Variants in EPB41 observed in about 807,000 individuals in gnomAD.
The protein encoded by EPB41 is erythrocyte membrane protein band 4.1.
Under a neutral mutation model 108.0 loss-of-function variants are expected in EPB41, and 65 were observed. The ratio of observed to expected loss-of-function variants is 0.60; its 90% CI spans 0.49 to 0.74. The LOEUF is 0.74. Ranked by LOEUF, EPB41 falls within the 30% of genes least tolerant of loss-of-function variation. The probability of loss-of-function intolerance (pLI) is 0.00; values close to 1 mark genes in which losing one functional copy is unlikely to be tolerated. For synonymous variants in EPB41, 336 were observed against 358.9 expected, an observed-to-expected ratio of 0.94 and a Z score of 0.72; for missense variants, 875 against 1,037.0, an observed-to-expected ratio of 0.84 and a Z score of 2.15.
At chr1:28,908,199 C>T (rs992208468) in intron 1 of EPB41, among the ~76,000 whole-genome samples, 17 of 151,752 alleles carry the variant, frequency 1.1e-4, no homozygotes, top group African/African-American at 3.4e-4. Flanking sequence ...GTCAGGAGTT[C>T]GAAACCAGCC....
At chr1:29,091,739 G>T (rs1661261733) in intron 16 of EPB41, among the ~76,000 whole-genome samples, 1 of 152,172 alleles carries the variant, frequency 6.6e-6, no homozygotes, top group Admixed American at 6.6e-5. Flanking sequence ...TGCAGACAGA[G>T]ACAGCCTTGT....
chr1:29,070,611 TG>T (rs1650881472), intron 16 of EPB41: 1 of 1,232,046 alleles, frequency 8.1e-7, no homozygotes, highest in Admixed American at 4.2e-5. Flanking sequence ...TTGGTCTTTC[TG>T]TGATCAGAAA....
intron 12 of EPB41, among the ~76,000 whole-genome samples, chr1:29,057,459 GCTTAA>G (rs973974411): frequency 6.6e-6 from 1 of 151,600 alleles, no homozygotes; most frequent in African/African-American, 2.4e-5. Flanking sequence ...AATGGGGTGT[GCTTAA>G]CTTAACACTT....
intron 11 of EPB41, among the ~76,000 whole-genome samples, chr1:29,044,911 T>G (rs1642713484): frequency 6.6e-6 from 1 of 152,192 alleles, no homozygotes; most frequent in Non-Finnish European, 1.5e-5. Flanking sequence ...AGTGTCACCT[T>G]TGTTATAAAT....
intron 12 of EPB41, among the ~76,000 whole-genome samples, chr1:29,057,391 A>AG (rs543944017): frequency 1.9e-4 from 29 of 149,342 alleles, no homozygotes; most frequent in African/African-American, 4.8e-4. Flanking sequence ...AAAAAAAAAA[A>AG]AAAAAGAAAA....
chr1:29,004,933 A>G (rs1432373208), intron 4 of EPB41, among the ~76,000 whole-genome samples: 1 of 152,174 alleles, frequency 6.6e-6, no homozygotes, highest in African/African-American at 2.4e-5. Flanking sequence ...TCTTATGTGT[A>G]TGCGTGGGGG....
In EPB41 at chr1:29,060,425, AAGAG is replaced by A. The variant is rs1476928445; in HGVS notation, c.1952_1955del (p.Arg651LysfsTer3). 1.2e-6 allele frequency: 2 copies of A among 1,612,290 alleles called. No individual in the cohort carries two copies. Among genetic ancestry groups the A allele is most frequent in the East Asian group, 2.2e-5 (1 of 44,850 alleles). On this transcript the variant is annotated frameshift_variant, in exon 15 of 21. Transcript: ENST00000343067. LOFTEE classifies it high-confidence loss of function. ...TTCCCCCCTTTCATTTTCACAGAAAAAGAGAGAAAGACTAGATGGTGAAAACATT... is the reference window on the plus strand; with the variant it reads ...TTCCCCCCTTTCATTTTCACAGAAAAAGAAAGACTAGATGGTGAAAACATT...
chr1:29,046,252 G>C (rs938673795), intron 11 of EPB41, among the ~76,000 whole-genome samples: 4 of 151,842 alleles, frequency 2.6e-5, no homozygotes, highest in Non-Finnish European at 4.4e-5. Flanking sequence ...AGCCTCCTGA[G>C]TAGCTGGGAT....
intron 11 of EPB41, among the ~76,000 whole-genome samples, chr1:29,047,425 T>C (rs1201805721): frequency 6.6e-6 from 1 of 150,616 alleles, no homozygotes; most frequent in Admixed American, 6.6e-5. Context: ...AATTTTTTTT[T>C]TTTTTTTTTG....
At chr1:28,921,377 A>C (rs1161364860) in intron 1 of EPB41, among the ~76,000 whole-genome samples, 1 of 152,122 alleles carries the variant, frequency 6.6e-6, no homozygotes. Context: ...GTTTCACCTT[A>C]ATAATACATT....
intron 18 of EPB41, 53 bp downstream of exon 18, chr1:29,109,490 C>A: frequency 6.8e-7 from 1 of 1,462,042 alleles, no homozygotes; most frequent in Non-Finnish European, 9.6e-7. Context: ...GCTAAGCTTG[C>A]TGCCACCTCT....
intron 16 of EPB41, among the ~76,000 whole-genome samples, chr1:29,074,630 A>G (rs1653071674): frequency 6.6e-6 from 1 of 152,258 alleles, no homozygotes; most frequent in Non-Finnish European, 1.5e-5. Context: ...TTAGGAAGCC[A>G]TACAAAGTTA....
intron 11 of EPB41, among the ~76,000 whole-genome samples, chr1:29,048,138 T>A (rs941825383): frequency 7.2e-5 from 11 of 152,032 alleles, no homozygotes; most frequent in African/African-American, 2.7e-4. Context: ...TTGTCTTAAG[T>A]TTTTCAAAGA....
At chr1:28,938,076 G>A (rs987261133) in intron 1 of EPB41, among the ~76,000 whole-genome samples, 1 of 152,148 alleles carries the variant, frequency 6.6e-6, no homozygotes, top group Non-Finnish European at 1.5e-5. Flanking sequence ...CCTTATGCTG[G>A]TACCACATTG....
At chr1:29,071,998 T>C (rs1484053909) in intron 16 of EPB41, 3 of 152,206 alleles carry the variant, frequency 2.0e-5, no homozygotes, top group Admixed American at 6.5e-5. Context: ...TCTTTTGTCC[T>C]TCAACATCTA....
At chr1:28,957,345 A>G (rs1429764732) in intron 1 of EPB41, among the ~76,000 whole-genome samples, 1 of 152,256 alleles carries the variant, frequency 6.6e-6, no homozygotes, top group African/African-American at 2.4e-5. Context: ...ATATGTAGAG[A>G]CTGTCAAAAT....
chr1:28,984,532 TG>T (rs2095829899), intron 1 of EPB41, among the ~76,000 whole-genome samples: 2 of 152,222 alleles, frequency 1.3e-5, no homozygotes, highest in African/African-American at 4.8e-5. Context: ...GATAAGAATT[TG>T]TTGAATGAAT....
At position 28,887,581 on chromosome 1, in the gene EPB41, C is replaced by T. The variant is rs2089568218; in HGVS notation, c.-8+371C>T. 1 of 985,216 alleles carries T rather than the reference C, an allele frequency of 1.0e-6. No homozygotes were observed. Among genetic ancestry groups the T allele is most frequent in the Non-Finnish European group, 1.2e-6 (1 of 829,884 alleles). The allele number at this position is 985,216 out of a possible 1,614,324, so 61.0% of individuals were successfully genotyped here. A position where few individuals can be genotyped will look rare whatever the true frequency, so the allele number is the denominator to read the frequency against. On this transcript the variant is annotated intron_variant, in intron 1 of 16. Coordinates refer to the EPB41 transcript ENST00000347529. The surrounding 1 kb of genome is among the most constrained non-coding windows in gnomAD (Gnocchi z 4.9). ...GCAGCCCCCGGCCGCCCCCTAGCCC[C>T]GCCTTGCCCGGCCCCGCATGCTCCT...
At chr1:29,113,230 C>T (rs1406062661) in intron 19 of EPB41, among the ~76,000 whole-genome samples, 1 of 152,156 alleles carries the variant, frequency 6.6e-6, no homozygotes, top group Non-Finnish European at 1.5e-5. Flanking sequence ...GAGGTTAGAA[C>T]AGTAAAGCTG....
Sources: gnomAD v4.1 joint callset for allele counts (sites outside exome capture counted in the v4.1 genomes callset) on GRCh38, gnomAD v4.1.1 for gene constraint, Gnocchi (gnomAD v3.1) non-coding constraint, MANE v1.5 for transcripts, NCBI Gene and HGNC (gene_info 2026-07-23, HGNC 2026-07-21) for gene names.